The following TENM3 variants were observed in gnomAD, a reference collection of about 807,000 sequenced individuals.
The protein encoded by TENM3 is teneurin-3.
A neutral mutation model predicts 255.1 loss-of-function variants in TENM3; 63 were observed. That is an observed-to-expected ratio of 0.25 (90% confidence interval 0.20 to 0.30). The LOEUF (loss-of-function observed/expected upper bound fraction) is 0.30. TENM3 is among the 10% of genes least tolerant of loss of function. TENM3 has a pLI of 1.00. For missense variants in TENM3, 2,929 were observed against 3,461.1 expected (o/e 0.85, Z 3.86); for synonymous variants, 1,306 against 1,322.3 (o/e 0.99, Z 0.27).
rs1298143255 is a variant in TENM3 at position 182,792,093 on chromosome 4, CAATT to C, written c.5602-178_5602-175del. ...GAGCCACTAATTGCAGAACCCCTCACAATTAAGCATCCAAGCAAATTAGGCAGAG... is the reference window on the plus strand; with the variant it reads ...GAGCCACTAATTGCAGAACCCCTCACAAGCATCCAAGCAAATTAGGCAGAG... On this transcript the variant is annotated intron_variant, in intron 25 of 27. Coordinates refer to ENST00000511685, the MANE Select transcript of TENM3 (RefSeq NM_001080477.4). This position sits in a 1 kb window ranked among gnomAD's most constrained non-coding sequence, Gnocchi z 6.3. 6.6e-6 allele frequency among the ~76,000 whole-genome samples: 1 copy of C among 152,162 alleles called. No individual in the cohort carries two copies. The highest frequency in any genetic ancestry group is 1.5e-5 in the Non-Finnish European group (1 of 68,036).
chr4:181,723,789 T>C, the TENM3 span, among the ~76,000 whole-genome samples: 2 of 152,160 alleles, frequency 1.3e-5, no homozygotes, highest in Non-Finnish European at 2.9e-5. Flanking sequence ...ATTTTATTGA[T>C]GGTTGTGGGA....
chr4:182,033,386 G>T, the TENM3 span, among the ~76,000 whole-genome samples: 1 of 152,160 alleles, frequency 6.6e-6, no homozygotes, highest in Non-Finnish European at 1.5e-5. Context: ...GTTCTAAGTT[G>T]ATTGTGCTGT....
intron 1 of TENM3, among the ~76,000 whole-genome samples, chr4:182,149,421 CAGCTACATGG>C (rs1302658791): frequency 2.0e-5 from 3 of 152,054 alleles, no homozygotes; most frequent in Admixed American, 6.6e-5. Flanking sequence ...CTAGCTAGAA[CAGCTACATGG>C]AATTTACTAA....
chr4:182,527,668 T>C (rs1369430228), intron 3 of TENM3, among the ~76,000 whole-genome samples: 1 of 152,310 alleles, frequency 6.6e-6, no homozygotes, highest in East Asian at 1.9e-4. Flanking sequence ...TAAACATTGA[T>C]TTTCTCACCT....
the TENM3 span, among the ~76,000 whole-genome samples, chr4:181,885,552 C>T: frequency 3.3e-5 from 5 of 152,056 alleles, no homozygotes; most frequent in Non-Finnish European, 7.4e-5. Flanking sequence ...TGAGCCACCG[C>T]GCCTGGCCGA....
chr4:182,540,727 G>C (rs1740792433), intron 3 of TENM3, among the ~76,000 whole-genome samples: 1 of 152,190 alleles, frequency 6.6e-6, no homozygotes, highest in African/African-American at 2.4e-5. Flanking sequence ...GCTAGGAATT[G>C]AGATAGCTCG....
At chr4:181,664,849 G>A in the TENM3 span, among the ~76,000 whole-genome samples, 3 of 152,184 alleles carry the variant, frequency 2.0e-5, no homozygotes, top group Non-Finnish European at 4.4e-5. Flanking sequence ...AACCCTGCAG[G>A]TGATGAGTGC....
chr4:182,660,441 A>G (rs913514240), intron 6 of TENM3, among the ~76,000 whole-genome samples: 1 of 152,204 alleles, frequency 6.6e-6, no homozygotes, highest in Non-Finnish European at 1.5e-5. Context: ...TTATAGGGTA[A>G]TATAAAGGTT....
chr4:181,787,219 T>G, the TENM3 span, among the ~76,000 whole-genome samples: 3 of 152,048 alleles, frequency 2.0e-5, no homozygotes, highest in Non-Finnish European at 4.4e-5. Context: ...ATAGAGATCA[T>G]AAGACTGACA....
At position 182,792,220 on chromosome 4, in the gene TENM3, C is replaced by T; in HGVS notation, c.5602-54C>T. The T allele has an allele frequency of 2.0e-6, 3 of 1,524,646 alleles. No homozygotes were observed. In the East Asian group the frequency reaches 6.8e-5, roughly 35 times the overall value. 94.4% of individuals were successfully genotyped at this position (1,524,646 alleles called of 1,614,324 possible). ...TGTGCATCTGTGGTCACTAAATCTG[C>T]TTTTGCATCTCCCGTTCACAAACAC... On this transcript the variant is annotated intron_variant, in intron 25 of 27. Coordinates refer to ENST00000511685, the MANE Select transcript of TENM3 (RefSeq NM_001080477.4). The surrounding 1 kb of genome is among the most constrained non-coding windows in gnomAD (Gnocchi z 6.3).
intron 18 of TENM3, among the ~76,000 whole-genome samples, chr4:182,742,169 C>A (rs185005642): frequency 1.1e-3 from 166 of 152,316 alleles, no homozygotes; most frequent in African/African-American, 3.7e-3. Context: ...TGCATCACGC[C>A]AAACTGGAGG....
At chr4:182,737,211 T>A in intron 17 of TENM3, 136 bp downstream of exon 17, 1 of 942,212 alleles carries the variant, frequency 1.1e-6, no homozygotes, top group South Asian at 1.7e-5. Context: ...ATATTATACC[T>A]TGGCTGGTTT....
At chr4:182,623,949 T>A (rs1350639902) in intron 4 of TENM3, among the ~76,000 whole-genome samples, 1 of 152,200 alleles carries the variant, frequency 6.6e-6, no homozygotes, top group East Asian at 1.9e-4. Context: ...TCTGCGAGGC[T>A]CCCTGACTGC....
the TENM3 span, among the ~76,000 whole-genome samples, chr4:182,014,800 C>A: frequency 6.6e-6 from 1 of 152,024 alleles, no homozygotes; most frequent in African/African-American, 2.4e-5. Flanking sequence ...AGGCTCTGAG[C>A]ACAGGAGAGC....
chr4:181,816,964 T>C, the TENM3 span, among the ~76,000 whole-genome samples: 3 of 152,232 alleles, frequency 2.0e-5, no homozygotes, highest in Non-Finnish European at 2.9e-5. Context: ...TCTCATTTTA[T>C]AGATAAGTAA....
At chr4:181,732,890 C>T in the TENM3 span, among the ~76,000 whole-genome samples, 5 of 151,974 alleles carry the variant, frequency 3.3e-5, no homozygotes, top group East Asian at 3.9e-4. Flanking sequence ...ATTGTATAGA[C>T]GTTAATTTAT....
At chr4:181,627,561 C>T in the TENM3 span, among the ~76,000 whole-genome samples, 2 of 152,110 alleles carry the variant, frequency 1.3e-5, no homozygotes, top group East Asian at 3.9e-4. Context: ...ATTCAATTCC[C>T]ACCTATGAGT....
the TENM3 span, among the ~76,000 whole-genome samples, chr4:181,935,756 T>C: frequency 6.6e-6 from 1 of 152,146 alleles, no homozygotes; most frequent in Non-Finnish European, 1.5e-5. Context: ...CTCATGTCCA[T>C]CTCAGGGTTT....
chr4:182,141,927 C>G (rs1358777715), upstream of TENM3: 1 of 152,104 alleles, frequency 6.6e-6, no homozygotes, highest in Non-Finnish European at 1.5e-5. Flanking sequence ...ATTGTGTATT[C>G]GTAGACAGTA....
Sources: allele counts gnomAD v4.1 joint callset (sites outside exome capture counted in the v4.1 genomes callset), GRCh38; gene constraint gnomAD v4.1.1; non-coding constraint Gnocchi (gnomAD v3.1); transcripts MANE v1.5; gene names NCBI Gene and HGNC (gene_info 2026-07-23, HGNC 2026-07-21).